The following SGCD variants were observed in gnomAD, a reference collection of about 807,000 sequenced individuals.
SGCD encodes the protein delta-sarcoglycan.
Under a neutral mutation model 36.6 loss-of-function variants are expected in SGCD, and 18 were observed. The observed-to-expected ratio is 0.49, with a 90% confidence interval of 0.34 to 0.73. The LOEUF (loss-of-function observed/expected upper bound fraction) is 0.73, where lower values mean the gene tolerates loss of function less well. Among genes scored for constraint, SGCD ranks in the 30% least tolerant of loss-of-function variants. The pLI is 0.01. For missense variants in SGCD, 387 were observed against 346.7 expected, an observed-to-expected ratio of 1.12 and a Z score of -0.92; for synonymous variants, 133 against 130.6, an observed-to-expected ratio of 1.02 and a Z score of -0.12.
chr5:156,408,088 G>A (rs901191277), intron 3 of SGCD, among the ~76,000 whole-genome samples: 1 of 152,190 alleles, frequency 6.6e-6, no homozygotes, highest in Admixed American at 6.5e-5. Context: ...TAATATTGCT[G>A]TTGAATATGT....
chr5:156,093,755 TG>T (rs1244823021), intron 1 of SGCD, among the ~76,000 whole-genome samples: 21 of 152,250 alleles, frequency 1.4e-4, no homozygotes, highest in Non-Finnish European at 2.6e-4. Flanking sequence ...TCCTTTCATC[TG>T]CAGTTAGCAG....
intron 3 of SGCD, among the ~76,000 whole-genome samples, chr5:156,156,492 C>T (rs906227833): frequency 6.6e-6 from 1 of 151,494 alleles, no homozygotes; most frequent in Non-Finnish European, 1.5e-5. Flanking sequence ...AGCGTGGTGG[C>T]ATGCGCCAGT....
chr5:155,774,466 T>G, the SGCD span, among the ~76,000 whole-genome samples: 1 of 152,186 alleles, frequency 6.6e-6, no homozygotes, highest in Non-Finnish European at 1.5e-5. Context: ...TTTCTTCTTG[T>G]TCTGGAGGTC....
At chr5:155,958,897 G>GTAGGGGTGAT (rs1757725297) in intron 1 of SGCD, among the ~76,000 whole-genome samples, 1 of 152,104 alleles carries the variant, frequency 6.6e-6, no homozygotes, top group Admixed American at 6.6e-5. Context: ...AAGGCAGGCA[G>GTAGGGGTGAT]TAGGGGTGAT....
rs373189667 is a variant in SGCD, at chr5:156,502,488, C to A, written c.193-6113C>A. ...TAGCTGGGACTACAGGTATATGTTACCATACCAACTAATTTTTATTTTTAT... is the reference window on the plus strand; with the variant it reads ...TAGCTGGGACTACAGGTATATGTTAACATACCAACTAATTTTTATTTTTAT... On this transcript the variant is annotated intron_variant, in intron 3 of 8. Transcript: ENST00000337851. Among the ~76,000 whole-genome samples, 69 of 152,220 alleles carry A rather than the reference C, an allele frequency of 4.5e-4. 1 individual carries two copies. The Middle Eastern group carries it at 0.024, about 53-fold the overall frequency.
intron 3 of SGCD, among the ~76,000 whole-genome samples, chr5:156,467,103 CAA>C (rs1754752549): frequency 6.6e-6 from 1 of 152,068 alleles, no homozygotes; most frequent in South Asian, 2.1e-4. Flanking sequence ...CATCCATAGA[CAA>C]AGTGTGAACA....
chr5:155,779,905 C>A, the SGCD span, among the ~76,000 whole-genome samples: 3 of 152,058 alleles, frequency 2.0e-5, no homozygotes, highest in Non-Finnish European at 2.9e-5. Flanking sequence ...AAGAGGAAAT[C>A]TGAGTACTTT....
intron 4 of SGCD, among the ~76,000 whole-genome samples, chr5:156,514,214 A>G (rs1203038403): frequency 6.6e-6 from 1 of 152,208 alleles, no homozygotes; most frequent in Non-Finnish European, 1.5e-5. Context: ...GTACATCCCT[A>G]CTTCTTCAAA....
chr5:156,723,074 T>C (rs960833463), intron 7 of SGCD, among the ~76,000 whole-genome samples: 1 of 151,920 alleles, frequency 6.6e-6, no homozygotes, highest in Non-Finnish European at 1.5e-5. Context: ...CTAGAGAGGG[T>C]TAAAAGCTTC....
chr5:155,792,433 C>CAAAAAAAAAAAAAAAAAAAAAAAAAAA, the SGCD span, among the ~76,000 whole-genome samples: 1 of 92,356 alleles, frequency 1.1e-5, no homozygotes. Context: ...TTCTACATAG[C>CAAAAAAAAAAAAAAAAAAAAAAAAAAA]AAAAAAAAAA....
At chr5:156,446,299 G>GT (rs1408726323) in intron 3 of SGCD, among the ~76,000 whole-genome samples, 2 of 152,170 alleles carry the variant, frequency 1.3e-5, no homozygotes, top group African/African-American at 2.4e-5. Flanking sequence ...AAACCAAATG[G>GT]AAAAGATGCC....
At chr5:155,758,078 T>G in the SGCD span, among the ~76,000 whole-genome samples, 1 of 152,110 alleles carries the variant, frequency 6.6e-6, no homozygotes, top group African/African-American at 2.4e-5. Flanking sequence ...TTGCCCAGTC[T>G]CAGGAATGTC....
intron 4 of SGCD, among the ~76,000 whole-genome samples, chr5:156,539,915 C>T (rs747441915): frequency 1.6e-4 from 24 of 152,092 alleles, no homozygotes; most frequent in Non-Finnish European, 2.9e-4. Context: ...TTGAACCTGT[C>T]TAAGCTTCAT....
At position 156,764,960 on chromosome 5, in the gene SGCD, T is replaced by G. The variant is rs949365811; in HGVS notation, c.*5570T>G. 2 of 152,180 alleles carry G rather than the reference T, an allele frequency of 1.3e-5. No homozygotes were observed. Among genetic ancestry groups the G allele is most frequent in the African/African-American group, 4.8e-5 (2 of 41,442 alleles). The allele number at this position is 152,180 out of a possible 1,614,324, so 9.4% of individuals were successfully genotyped here. On this transcript the variant is annotated 3_prime_UTR_variant, in exon 9 of 9. Transcript: ENST00000337851. Reference sequence around the variant, plus strand: ...ATGTTTACTGTCTAAATCCACCTGTTGCAGTAGGAAGCCAGAGTGGGGTTC... The same window carrying G: ...ATGTTTACTGTCTAAATCCACCTGTGGCAGTAGGAAGCCAGAGTGGGGTTC...
At chr5:155,908,811 C>T (rs1275841175) in intron 1 of SGCD, among the ~76,000 whole-genome samples, 3 of 152,124 alleles carry the variant, frequency 2.0e-5, no homozygotes, top group African/African-American at 7.2e-5. Flanking sequence ...AATTGACCCA[C>T]TTGAGCATGT....
At chr5:156,313,332 G>A (rs984292046) in intron 3 of SGCD, among the ~76,000 whole-genome samples, 17 of 151,930 alleles carry the variant, frequency 1.1e-4, no homozygotes, top group Non-Finnish European at 2.2e-4. Context: ...TACATAATTT[G>A]TACTTGATTT....
chr5:155,845,686 T>C, the SGCD span, among the ~76,000 whole-genome samples: 1 of 152,212 alleles, frequency 6.6e-6, no homozygotes, highest in Admixed American at 6.5e-5. Context: ...GTAACCACAG[T>C]GGTGAAAAGG....
At chr5:155,960,586 G>C (rs1757773373) in intron 1 of SGCD, among the ~76,000 whole-genome samples, 1 of 151,962 alleles carries the variant, frequency 6.6e-6, no homozygotes, top group African/African-American at 2.4e-5. Context: ...TTCATATTTA[G>C]AAAAAAATTA....
intron 1 of SGCD, among the ~76,000 whole-genome samples, chr5:156,072,473 G>A (rs1397352525): frequency 1.3e-5 from 2 of 151,802 alleles, no homozygotes; most frequent in African/African-American, 4.9e-5. Flanking sequence ...CTCTCTTCTG[G>A]CTTGTAGAGT....
Sources: gnomAD v4.1 joint callset for allele counts (sites outside exome capture counted in the v4.1 genomes callset) on GRCh38, gnomAD v4.1.1 for gene constraint, MANE v1.5 for transcripts, NCBI Gene and HGNC (gene_info 2026-07-23, HGNC 2026-07-21) for gene names.